IZUMO1: variants seen among roughly 807,000 people sequenced by gnomAD.
IZUMO1 encodes izumo sperm-egg fusion protein 1.
Under a neutral mutation model 40.7 loss-of-function variants are expected in IZUMO1, and 44 were observed. That is an observed-to-expected ratio of 1.08 (90% CI 0.85 to 1.39). The LOEUF is 1.39. IZUMO1 is among the 40% of genes most tolerant of loss of function. The pLI is 0.00. For synonymous variants in IZUMO1, 149 were observed against 170.9 expected, an observed-to-expected ratio of 0.87 and a Z score of 1.00; for missense variants, 368 against 436.9, an observed-to-expected ratio of 0.84 and a Z score of 1.41.
At chr19:48,746,315 G>GC in intron 1 of IZUMO1, 120 bp downstream of exon 1, 1 of 1,011,074 alleles carries the variant, frequency 9.9e-7, no homozygotes, top group Non-Finnish European at 1.2e-6. Context: ...TCCCCCGCCA[G>GC]CCCCCCAAAA....
intron 1 of IZUMO1, 195 bp downstream of exon 1, chr19:48,746,240 A>C: frequency 9.4e-7 from 1 of 1,064,714 alleles, no homozygotes; most frequent in Non-Finnish European, 1.1e-6. Flanking sequence ...CAAACTGTGG[A>C]ATTTTCCAAG....
In IZUMO1 at chr19:48,746,868, G is replaced by A. The variant is rs2033899203; in HGVS notation, c.-507C>T. The A allele has an allele frequency of 2.0e-6, 2 of 985,230 alleles. No individual in the cohort carries two copies. Among genetic ancestry groups the A allele is most frequent in the Non-Finnish European group, 2.4e-6 (2 of 829,912 alleles). The allele number at this position is 985,230 out of a possible 1,614,324, so 61.0% of individuals were successfully genotyped here. A position where few individuals can be genotyped will look rare whatever the true frequency, so the allele number is the denominator to read the frequency against. Reference sequence around the variant, plus strand: ...AGGAACTCCTGAAACCACCCCCTCCGAGCTTCTCACGTAGGGGCCCGAATT... The same window carrying A: ...AGGAACTCCTGAAACCACCCCCTCCAAGCTTCTCACGTAGGGGCCCGAATT... On this transcript the variant is annotated 5_prime_UTR_variant, in exon 1 of 10. Transcript: ENST00000332955.
Position 48,741,621 on chromosome 19 carries a change from CT to C in IZUMO1, c.755-144del. 2 of 1,256,856 alleles carry C rather than the reference CT, an allele frequency of 1.6e-6. No homozygotes were observed. The highest frequency in any genetic ancestry group is 2.2e-6 in the Non-Finnish European group (2 of 917,452). 77.9% of individuals were successfully genotyped at this position (1,256,856 alleles called of 1,614,324 possible). ...AGCCTGAACACACCCAAGGGAACCC[CT>C]GTCCTCGGGGCCAGAGGCCACGCCC... is the stretch of plus-strand genomic sequence containing the variant. On this transcript the variant is annotated intron_variant, in intron 8 of 9. Transcript: ENST00000332955. This position sits in a 1 kb window ranked among gnomAD's most constrained non-coding sequence, Gnocchi z 4.4.
chr19:48,740,864 C>G lies in IZUMO1; in HGVS notation c.*44G>C, dbSNP rs747750457. On this transcript the variant is annotated 3_prime_UTR_variant, in exon 10 of 10. Coordinates refer to ENST00000332955, the MANE Select transcript of IZUMO1 (RefSeq NM_182575.3). This position sits in a 1 kb window ranked among gnomAD's most constrained non-coding sequence, Gnocchi z 5.5. ...GGGAACCAAAGGCTAGAATCAGTCCCGTCCCGGGGAGTGAGTCAGATGCTT... is the reference window on the plus strand; with the variant it reads ...GGGAACCAAAGGCTAGAATCAGTCCGGTCCCGGGGAGTGAGTCAGATGCTT... 1.2e-6 allele frequency: 2 copies of G among 1,612,902 alleles called. No homozygotes were observed. Among genetic ancestry groups the G allele is most frequent in the Admixed American group, 3.3e-5 (2 of 59,940 alleles).
At chr19:48,745,320 C>T (rs757305484) in intron 2 of IZUMO1, 32 bp from the exon 3 acceptor site, 2 of 1,580,076 alleles carry the variant, frequency 1.3e-6, no homozygotes, top group Admixed American at 1.7e-5. Context: ...CAGATTCCAG[C>T]CTTACTGTCT....
At chr19:48,745,116 G>A in intron 3 of IZUMO1, 98 bp downstream of exon 3, 2 of 996,248 alleles carry the variant, frequency 2.0e-6, no homozygotes, top group Non-Finnish European at 3.2e-6. Flanking sequence ...AATCTAGGCG[G>A]TCTGGGTCCA....
chr19:48,742,263 A>G lies in IZUMO1; in HGVS notation c.546T>C (p.Cys182=). 1 of 1,614,158 alleles carries G rather than the reference A, an allele frequency of 6.2e-7. No individual in the cohort carries two copies. The highest frequency in any genetic ancestry group is 8.5e-7 in the Non-Finnish European group (1 of 1,179,994). The change falls in exon 7 of 10, where the codon TGT becomes TGC. Residue 182 remains cysteine (C), a synonymous_variant. Transcript: ENST00000332955. ...CCGAAGCCTGATGCCAGTTTAACTCACAGTCCAGGATCATGTCTTCCATTT... is the reference window on the plus strand; with the variant it reads ...CCGAAGCCTGATGCCAGTTTAACTCGCAGTCCAGGATCATGTCTTCCATTT... ...VPQMEDMILD[C]ELNWHQASEG...
chr19:48,742,105 A>G (rs1378455879), intron 7 of IZUMO1, 104 bp downstream of exon 7: 1 of 1,476,652 alleles, frequency 6.8e-7, no homozygotes, highest in Non-Finnish European at 9.4e-7. Flanking sequence ...CACCTAATAG[A>G]CCACCCTCCT....
rs938294155 is a variant in IZUMO1 at position 48,742,813 on chromosome 19, C to T, written c.500-504G>A. Among the ~76,000 whole-genome samples, 6 of 143,450 alleles carry T rather than the reference C, an allele frequency of 4.2e-5. No homozygotes were observed. The East Asian group carries it at 8.9e-4, about 21-fold the overall frequency. The allele number at this position is 143,450 out of a possible 152,430, so 94.1% of individuals were successfully genotyped here. ...CGCGATCTTATCTCACTACAACCTT[C>T]GCCTCCTGAGTTCAAGCAATTCTCT... On this transcript the variant is annotated intron_variant, in intron 6 of 9. Coordinates refer to ENST00000332955, the MANE Select transcript of IZUMO1 (RefSeq NM_182575.3).
At chr19:48,746,092 C>G in intron 1 of IZUMO1, 160 bp from the exon 2 acceptor site, 1 of 1,384,582 alleles carries the variant, frequency 7.2e-7, no homozygotes, top group Non-Finnish European at 9.3e-7. Context: ...GAGCCCCAAT[C>G]CAGGGGACCC....
At chr19:48,742,070 G>A (rs1358192804) in intron 7 of IZUMO1, 128 bp from the exon 8 acceptor site, 123 of 1,505,904 alleles carry the variant, frequency 8.2e-5, no homozygotes, top group Non-Finnish European at 2.9e-5. Context: ...CAGGGCACGG[G>A]GTCCCCAGAG....
intron 7 of IZUMO1, 125 bp downstream of exon 7, chr19:48,742,084 T>C: frequency 6.7e-7 from 1 of 1,500,844 alleles, no homozygotes. Context: ...CCCAGAGGTC[T>C]GTAGAGACCA....
Position 48,741,956 on chromosome 19 carries a change from C to A in IZUMO1, c.601-14G>T, listed in dbSNP as rs1284621810. On this transcript the variant is annotated splice_polypyrimidine_tract_variant and intron_variant, in intron 7 of 9. Coordinates refer to ENST00000332955, the MANE Select transcript of IZUMO1 (RefSeq NM_182575.3). This position sits in a 1 kb window ranked among gnomAD's most constrained non-coding sequence, Gnocchi z 4.4. Reference sequence around the variant, plus strand: ...GTTCCCCCAAACCTAGACCCAAGCTCAAGGGGTCACTGAGGCCTGAGGAAT... The same window carrying A: ...GTTCCCCCAAACCTAGACCCAAGCTAAAGGGGTCACTGAGGCCTGAGGAAT... The A allele has an allele frequency of 1.3e-6, 2 of 1,580,790 alleles. No homozygotes were observed. Among genetic ancestry groups the A allele is most frequent in the East Asian group, 4.5e-5 (2 of 44,312 alleles).
chr19:48,741,123 C>G lies in IZUMO1; in HGVS notation c.933-95G>C. On this transcript the variant is annotated intron_variant, in intron 9 of 9. Coordinates refer to ENST00000332955, the MANE Select transcript of IZUMO1 (RefSeq NM_182575.3). This position sits in a 1 kb window ranked among gnomAD's most constrained non-coding sequence, Gnocchi z 4.4. The stretch of plus-strand genomic sequence containing the variant: ...CAACCTCCCCCTTTGTGACCTTATT[C>G]TAGCAATTACCTAAGCCTCGCCCTT... 1.3e-6 allele frequency: 2 copies of G among 1,559,920 alleles called. No homozygotes were observed. Among genetic ancestry groups the G allele is most frequent in the Middle Eastern group, 2.3e-4 (1 of 4,290 alleles).
Position 48,744,212 on chromosome 19 carries a change from A to T in IZUMO1, c.398-17T>A, listed in dbSNP as rs1027670782. 6.2e-7 allele frequency: 1 copy of T among 1,612,094 alleles called. No individual in the cohort carries two copies. The highest frequency in any genetic ancestry group is 1.3e-5 in the African/African-American group (1 of 74,896). On this transcript the variant is annotated splice_polypyrimidine_tract_variant and intron_variant, in intron 4 of 9. Coordinates refer to ENST00000332955, the MANE Select transcript of IZUMO1 (RefSeq NM_182575.3). ...GACAATAAGCTGTGTCAAAAGAGAA[A>T]AAAAGAGAGCAAGAAAGAGATGACA...
chr19:48,744,214 A>C lies in IZUMO1; in HGVS notation c.398-19T>G, dbSNP rs765896230. The C allele has an allele frequency of 6.2e-7, 1 of 1,611,698 alleles. No individual in the cohort carries two copies. Among genetic ancestry groups the C allele is most frequent in the African/African-American group, 1.3e-5 (1 of 75,002 alleles). On this transcript the variant is annotated intron_variant, in intron 4 of 9. Coordinates refer to ENST00000332955, the MANE Select transcript of IZUMO1 (RefSeq NM_182575.3). ...CAATAAGCTGTGTCAAAAGAGAAAAAAAGAGAGCAAGAAAGAGATGACAGA... is the reference window on the plus strand; with the variant it reads ...CAATAAGCTGTGTCAAAAGAGAAAACAAGAGAGCAAGAAAGAGATGACAGA...
rs1306209499 is a variant in IZUMO1, at chr19:48,740,877, G to A, written c.*31C>T. The A allele has an allele frequency of 2.5e-6, 4 of 1,613,784 alleles. No individual in the cohort carries two copies. In the African/African-American group the frequency reaches 5.3e-5, roughly 22 times the overall value. ...TAGAATCAGTCCCGTCCCGGGGAGT[G>A]AGTCAGATGCTTAGACAACAAGATA... On this transcript the variant is annotated 3_prime_UTR_variant, in exon 10 of 10. Transcript: ENST00000332955. This position sits in a 1 kb window ranked among gnomAD's most constrained non-coding sequence, Gnocchi z 5.5.
intron 7 of IZUMO1, 72 bp from the exon 8 acceptor site, chr19:48,742,014 T>A: frequency 6.5e-7 from 1 of 1,540,130 alleles, no homozygotes; most frequent in Non-Finnish European, 8.8e-7. Flanking sequence ...GGTGAGAAGA[T>A]CACAGGGCCT....
chr19:48,744,209 GAA>G lies in IZUMO1; in HGVS notation c.398-16_398-15del. ...TGGGACAATAAGCTGTGTCAAAAGA[GAA>G]AAAAAGAGAGCAAGAAAGAGATGAC... On this transcript the variant is annotated splice_polypyrimidine_tract_variant and intron_variant, in intron 4 of 9. Transcript: ENST00000332955. 1 of 1,611,456 alleles carries G rather than the reference GAA, an allele frequency of 6.2e-7. No individual in the cohort carries two copies. Among genetic ancestry groups the G allele is most frequent in the Non-Finnish European group, 8.5e-7 (1 of 1,177,962 alleles).
Sources: gnomAD v4.1 joint callset for allele counts (sites outside exome capture counted in the v4.1 genomes callset) on GRCh38, gnomAD v4.1.1 for gene constraint, Gnocchi (gnomAD v3.1) non-coding constraint, MANE v1.5 for transcripts, NCBI Gene and HGNC (gene_info 2026-07-23, HGNC 2026-07-21) for gene names.